CLYBL: variants seen among roughly 807,000 people sequenced by gnomAD.
CLYBL encodes citramalyl-CoA lyase, mitochondrial.
CLYBL carries 31 observed loss-of-function variants against 38.9 expected under a neutral mutation model. That is an observed-to-expected ratio of 0.80 (90% CI 0.60 to 1.08). CLYBL has a LOEUF of 1.08. Ranked by LOEUF, CLYBL falls within the 50% of genes least tolerant of loss-of-function variation. The probability of loss-of-function intolerance (pLI) is 0.00; values close to 1 mark genes in which losing one functional copy is unlikely to be tolerated. For synonymous variants in CLYBL, 171 were observed against 158.6 expected, an observed-to-expected ratio of 1.08 and a Z score of -0.59; for missense variants, 434 against 411.6, an observed-to-expected ratio of 1.05 and a Z score of -0.47.
rs147708575 is a variant in CLYBL at position 99,643,611 on chromosome 13, G to A, written c.62+36854G>A. Among the ~76,000 whole-genome samples the A allele has an allele frequency of 3.4e-3, 525 of 152,316 alleles. 2 individuals are homozygous for A. The highest frequency in any genetic ancestry group is 0.012 in the African/African-American group (496 of 41,582). On this transcript the variant is annotated intron_variant, in intron 1 of 8. Transcript: ENST00000339105. ...GTAGCTACCACTTACTATTCTGTGC[G>A]CCTCGGTTCAGATTGTTTGGGGCAG...
At chr13:99,667,853 G>A (rs2047506078) in intron 1 of CLYBL, among the ~76,000 whole-genome samples, 1 of 152,270 alleles carries the variant, frequency 6.6e-6, no homozygotes, top group Non-Finnish European at 1.5e-5. Context: ...TGGAACAAAA[G>A]GATAGATGCA....
chr13:99,741,514 T>C (rs764364412), intron 1 of CLYBL, among the ~76,000 whole-genome samples: 17 of 152,024 alleles, frequency 1.1e-4, no homozygotes, highest in African/African-American at 4.1e-4. Flanking sequence ...AGGAAATACC[T>C]CTCAACACAA....
At chr13:99,611,944 A>G (rs2046632896) in intron 1 of CLYBL, among the ~76,000 whole-genome samples, 2 of 152,298 alleles carry the variant, frequency 1.3e-5, no homozygotes, top group South Asian at 2.1e-4. Flanking sequence ...GGTATATACC[A>G]CACAATTCAC....
intron 1 of CLYBL, among the ~76,000 whole-genome samples, chr13:99,635,093 A>G (rs2046999828): frequency 6.6e-6 from 1 of 152,038 alleles, no homozygotes. Context: ...CTGGGTTCCC[A>G]TCTCGGGTGA....
intron 1 of CLYBL, among the ~76,000 whole-genome samples, chr13:99,754,087 C>CAAAGA (rs2049007441): frequency 4.4e-5 from 2 of 45,408 alleles, no homozygotes; most frequent in African/African-American, 1.6e-4. Flanking sequence ...AACTCGGTCT[C>CAAAGA]AAAAAAAAAA....
rs572383823 is a variant in CLYBL at position 99,889,364 on chromosome 13, C to T, written c.928-1954C>T. Among the ~76,000 whole-genome samples, 5 of 152,280 alleles carry T rather than the reference C, an allele frequency of 3.3e-5. No individual in the cohort carries two copies. In the East Asian group the frequency reaches 9.6e-4, roughly 29 times the overall value. On this transcript the variant is annotated intron_variant, in intron 7 of 8. Transcript: ENST00000339105. ...CATTTACTCCAATAAGAAAACTAGACGATTGCCTTGTAAAACAGCATGTGA... is the reference window on the plus strand; with the variant it reads ...CATTTACTCCAATAAGAAAACTAGATGATTGCCTTGTAAAACAGCATGTGA...
intron 1 of CLYBL, among the ~76,000 whole-genome samples, chr13:99,672,723 T>G (rs1353895276): frequency 1.3e-5 from 2 of 151,970 alleles, no homozygotes; most frequent in Non-Finnish European, 2.9e-5. Context: ...TGAGCTGTGA[T>G]TGTACCACCA....
chr13:99,755,468 C>T (rs887747794), intron 1 of CLYBL, among the ~76,000 whole-genome samples: 13 of 152,124 alleles, frequency 8.5e-5, no homozygotes, highest in Non-Finnish European at 1.9e-4. Flanking sequence ...AGGGCAGCTC[C>T]TGCCTCTTCT....
At chr13:99,801,947 C>T (rs867459741) in intron 2 of CLYBL, among the ~76,000 whole-genome samples, 1 of 152,118 alleles carries the variant, frequency 6.6e-6, no homozygotes, top group African/African-American at 2.4e-5. Context: ...ACCTGATAGG[C>T]GGAGGTTGCA....
chr13:99,615,908 A>G (rs966479276), intron 1 of CLYBL, among the ~76,000 whole-genome samples: 8 of 152,186 alleles, frequency 5.3e-5, no homozygotes, highest in African/African-American at 1.9e-4. Flanking sequence ...ATCTCAGCTC[A>G]CTGCAACCTC....
At chr13:99,735,122 A>G (rs868521697) in intron 1 of CLYBL, among the ~76,000 whole-genome samples, 7 of 152,218 alleles carry the variant, frequency 4.6e-5, no homozygotes, top group Non-Finnish European at 5.9e-5. Context: ...TTGAAGGGAA[A>G]AAAAGATATT....
intron 2 of CLYBL, among the ~76,000 whole-genome samples, chr13:99,777,496 CTTTTTTTT>C (rs200830971): frequency 2.1e-5 from 3 of 143,252 alleles, no homozygotes; most frequent in African/African-American, 7.7e-5. Flanking sequence ...CTTTTCTTTT[CTTTTTTTT>C]TTTTTGAGAC....
At chr13:99,730,652 A>T (rs1048363696) in intron 1 of CLYBL, among the ~76,000 whole-genome samples, 1 of 152,094 alleles carries the variant, frequency 6.6e-6, no homozygotes, top group African/African-American at 2.4e-5. Flanking sequence ...GATAGACAGG[A>T]GCTGAAGGCC....
At chr13:99,632,921 A>C (rs965406879) in intron 1 of CLYBL, among the ~76,000 whole-genome samples, 5 of 152,188 alleles carry the variant, frequency 3.3e-5, no homozygotes, top group African/African-American at 7.2e-5. Context: ...ACAATGAATG[A>C]ACAGATAGGG....
chr13:99,861,317 TCTCA>T (rs1347981180), intron 3 of CLYBL, among the ~76,000 whole-genome samples: 4 of 152,152 alleles, frequency 2.6e-5, no homozygotes, highest in Non-Finnish European at 4.4e-5. Flanking sequence ...ATTGGGGTGT[TCTCA>T]CTAAGAACAG....
intron 2 of CLYBL, among the ~76,000 whole-genome samples, chr13:99,827,992 G>A (rs552722754): frequency 2.0e-5 from 3 of 152,274 alleles, no homozygotes; most frequent in South Asian, 4.1e-4. Context: ...AGAGATTTTC[G>A]TTTCATTTGT....
intron 2 of CLYBL, among the ~76,000 whole-genome samples, chr13:99,815,653 A>C (rs1232227730): frequency 1.3e-5 from 2 of 152,182 alleles, no homozygotes; most frequent in African/African-American, 4.8e-5. Context: ...TGGGAGGCCG[A>C]GGCAGGCGGA....
intron 2 of CLYBL, among the ~76,000 whole-genome samples, chr13:99,832,671 G>C (rs1284286242): frequency 6.6e-6 from 1 of 152,064 alleles, no homozygotes; most frequent in Non-Finnish European, 1.5e-5. Context: ...CCCTTAAGTG[G>C]ACTGGGCAAG....
chr13:99,862,614 A>G (rs1020048909), intron 3 of CLYBL, among the ~76,000 whole-genome samples: 4 of 152,236 alleles, frequency 2.6e-5, no homozygotes, highest in Admixed American at 2.6e-4. Context: ...ACAGAATGGC[A>G]GGTAGAGGAA....
Sources: gnomAD v4.1 joint callset for allele counts (sites outside exome capture counted in the v4.1 genomes callset) on GRCh38, gnomAD v4.1.1 for gene constraint, MANE v1.5 for transcripts, NCBI Gene and HGNC (gene_info 2026-07-23, HGNC 2026-07-21) for gene names.